GABRA3: variants seen among roughly 807,000 people sequenced by gnomAD.
GABRA3 encodes the protein gamma-aminobutyric acid receptor subunit alpha-3.
GABRA3 carries 10 observed loss-of-function variants against 30.1 expected under a neutral mutation model. The observed-to-expected ratio is 0.33, with a 90% CI of 0.20 to 0.56. GABRA3 has a LOEUF of 0.56. GABRA3 is among the 20% of genes least tolerant of loss of function. GABRA3 has a pLI of 0.89. For missense variants in GABRA3, 233 were observed against 392.0 expected, an observed-to-expected ratio of 0.59 and a Z score of 3.42; for synonymous variants, 151 against 146.8, an observed-to-expected ratio of 1.03 and a Z score of -0.21.
intron 9 of GABRA3, among the ~76,000 whole-genome samples, chrX:152,179,463 C>T (rs942177796): frequency 9.1e-6 from 1 of 110,138 alleles, no homozygotes; most frequent in Non-Finnish European, 1.9e-5. Flanking sequence ...TCCCCAGTAA[C>T]CACCATTCTA....
At chrX:152,366,776 T>C (rs1928672363) in intron 1 of GABRA3, among the ~76,000 whole-genome samples, 1 of 111,756 alleles carries the variant, frequency 8.9e-6, no homozygotes, top group Admixed American at 9.5e-5. Context: ...TTAACCATGA[T>C]AAATGCACAC....
At chrX:152,201,695 G>C (rs945826931) in intron 7 of GABRA3, among the ~76,000 whole-genome samples, 1 of 112,022 alleles carries the variant, frequency 8.9e-6, no homozygotes, top group Non-Finnish European at 1.9e-5. Context: ...ACACACAGAG[G>C]ATTTTTTAGC....
In GABRA3 at chrX:152,166,867, C is replaced by A. The variant is rs993177182; in HGVS notation, c.*1361G>T. 9.0e-6 allele frequency: 1 copy of A among 110,562 alleles called. No individual in the cohort carries two copies. Among genetic ancestry groups the A allele is most frequent in the South Asian group, 3.9e-4 (1 of 2,571 alleles). 9.1% of individuals were successfully genotyped at this position (110,562 alleles called of 1,213,427 possible). A position where few individuals can be genotyped will look rare whatever the true frequency, so the allele number is the denominator to read the frequency against. On this transcript the variant is annotated 3_prime_UTR_variant, in exon 10 of 10. Transcript: ENST00000370314. ...CTTTATTTTGGCCTTTGGAAAGGGG[C>A]GCACGATAGCTCTTTATTAAAGACA...
At chrX:152,440,332 A>G (rs1385901512) in intron 1 of GABRA3, among the ~76,000 whole-genome samples, 5 of 112,451 alleles carry the variant, frequency 4.4e-5, no homozygotes, top group Non-Finnish European at 9.4e-5. Flanking sequence ...ACCATCTCAC[A>G]CCAGTTAGAA....
At chrX:152,190,313 A>G (rs1937307415) in intron 8 of GABRA3, among the ~76,000 whole-genome samples, 1 of 110,065 alleles carries the variant, frequency 9.1e-6, no homozygotes, top group Admixed American at 9.7e-5. Context: ...CTACTGGTCC[A>G]CAGACCGATC....
chrX:152,198,988 G>C (rs771029807), intron 7 of GABRA3, among the ~76,000 whole-genome samples: 56 of 111,488 alleles, frequency 5.0e-4, no homozygotes, highest in African/African-American at 1.8e-3. Flanking sequence ...AGTAGGGTGG[G>C]CCCCTCATCC....
At chrX:152,440,961 A>G (rs1350833811) in intron 1 of GABRA3, among the ~76,000 whole-genome samples, 1 of 109,312 alleles carries the variant, frequency 9.1e-6, no homozygotes, top group Non-Finnish European at 1.9e-5. Flanking sequence ...ATGTATATCT[A>G]TGTAACAAAA....
intron 1 of GABRA3, chrX:152,392,266 C>T (rs376488461): frequency 7.8e-6 from 3 of 385,133 alleles, no homozygotes; most frequent in Admixed American, 2.6e-5. Context: ...TGAGCAGCCA[C>T]CACAGGAGTC....
At chrX:152,275,011 T>C (rs778244170) in intron 4 of GABRA3, among the ~76,000 whole-genome samples, 2 of 99,080 alleles carry the variant, frequency 2.0e-5, no homozygotes, top group Admixed American at 1.2e-4. Context: ...GGGGTGTGTG[T>C]GTGGCATATG....
chrX:152,241,383 C>T (rs1330305942), intron 5 of GABRA3, among the ~76,000 whole-genome samples: 1 of 101,400 alleles, frequency 9.9e-6, no homozygotes, highest in African/African-American at 3.4e-5. Context: ...CAGCTGCGTG[C>T]TGGGAGAACC....
chrX:152,275,691 A>C (rs1285766366), intron 4 of GABRA3, among the ~76,000 whole-genome samples: 1 of 108,547 alleles, frequency 9.2e-6, no homozygotes, highest in African/African-American at 3.3e-5. Flanking sequence ...CCTGGGAGGC[A>C]GAAGTTGCAG....
intron 4 of GABRA3, among the ~76,000 whole-genome samples, chrX:152,272,231 G>C (rs1162207065): frequency 8.9e-6 from 1 of 112,201 alleles, no homozygotes; most frequent in East Asian, 2.8e-4. Context: ...GCTGGGAGGG[G>C]GACTGTACCC....
At chrX:152,202,590 T>A (rs1040948201) in intron 7 of GABRA3, among the ~76,000 whole-genome samples, 1 of 110,791 alleles carries the variant, frequency 9.0e-6, no homozygotes. Context: ...GAGACAACAA[T>A]GAAAAAGAAT....
chrX:152,282,617 T>C (rs1451658307), intron 4 of GABRA3, among the ~76,000 whole-genome samples: 1 of 111,664 alleles, frequency 9.0e-6, no homozygotes, highest in Non-Finnish European at 1.9e-5. Flanking sequence ...AAGCAAATTA[T>C]AACATGAAAC....
chrX:152,180,680 T>A (rs957515309), intron 9 of GABRA3, among the ~76,000 whole-genome samples: 1 of 112,109 alleles, frequency 8.9e-6, no homozygotes, highest in African/African-American at 3.2e-5. Context: ...AGGCATTACA[T>A]TTAAACCTTT....
chrX:152,271,427 G>A (rs1938935568), intron 4 of GABRA3, among the ~76,000 whole-genome samples: 1 of 112,357 alleles, frequency 8.9e-6, no homozygotes. Flanking sequence ...TTTTGCCCCT[G>A]CCCTAGAGAT....
At position 152,197,637 on chromosome X, in the gene GABRA3, G is replaced by A; in HGVS notation, c.927C>T (p.Val309=). 8.3e-7 allele frequency: 1 copy of A among 1,202,037 alleles called. No individual in the cohort carries two copies. The highest frequency in any genetic ancestry group is 1.1e-6 in the Non-Finnish European group (1 of 889,885). The change falls in exon 8 of 10, where the codon GTC becomes GTT. Residue 309 remains valine (V), a synonymous_variant. Coordinates refer to ENST00000370314, the MANE Select transcript of GABRA3 (RefSeq NM_000808.4). ...GCTCCATAAATTATCACTCACCAAA[G>A]ACTGTACGGGCAGGAACAGACTCTC... The part of the protein sequence containing the change: ...LNRESVPART[V]FGVTTVLTMT...
intron 4 of GABRA3, among the ~76,000 whole-genome samples, chrX:152,276,307 A>T (rs1464851387): frequency 8.9e-6 from 1 of 111,986 alleles, no homozygotes; most frequent in African/African-American, 3.2e-5. Context: ...ATGCAAACAA[A>T]ATAAATTAGA....
intron 4 of GABRA3, among the ~76,000 whole-genome samples, chrX:152,268,223 A>T (rs904059160): frequency 9.0e-6 from 1 of 110,621 alleles, no homozygotes; most frequent in African/African-American, 3.3e-5. Flanking sequence ...TTGCTTTGTG[A>T]TAAGGTTTTG....
Sources: allele counts gnomAD v4.1 joint callset (sites outside exome capture counted in the v4.1 genomes callset), GRCh38; gene constraint gnomAD v4.1.1; transcripts MANE v1.5; gene names NCBI Gene and HGNC (gene_info 2026-07-23, HGNC 2026-07-21).